EIF3J: variants seen among roughly 807,000 people sequenced by gnomAD.
EIF3J encodes eukaryotic translation initiation factor 3 subunit J.
Under a neutral mutation model 39.0 loss-of-function variants are expected in EIF3J, and 15 were observed. The observed-to-expected ratio is 0.38, with a 90% CI of 0.26 to 0.59. EIF3J has a LOEUF of 0.59. EIF3J is among the 20% of genes least tolerant of loss of function. The probability of loss-of-function intolerance (pLI) is 0.60; values close to 1 mark genes in which losing one functional copy is unlikely to be tolerated. For missense variants in EIF3J, 226 were observed against 308.6 expected, an observed-to-expected ratio of 0.73 and a Z score of 2.00; for synonymous variants, 98 against 112.9, an observed-to-expected ratio of 0.87 and a Z score of 0.84.
rs1432804070 is a variant in EIF3J at position 44,540,518 on chromosome 15, C to T, written c.147+3091C>T. Among the ~76,000 whole-genome samples the T allele has an allele frequency of 7.2e-5, 11 of 151,726 alleles. No individual in the cohort carries two copies. In the East Asian group the frequency reaches 2.1e-3, roughly 29 times the overall value. On this transcript the variant is annotated intron_variant, in intron 2 of 7. Coordinates refer to ENST00000261868, the MANE Select transcript of EIF3J (RefSeq NM_003758.4). ...AACTCCTGAGGTTAAAGCGATCTTCCCGCCTTGGCCTCCCAGAGTGCTGAG... is the reference window on the plus strand; with the variant it reads ...AACTCCTGAGGTTAAAGCGATCTTCTCGCCTTGGCCTCCCAGAGTGCTGAG...
intron 4 of EIF3J, among the ~76,000 whole-genome samples, chr15:44,552,604 G>A (rs1325649196): frequency 4.0e-5 from 6 of 149,276 alleles, no homozygotes; most frequent in Admixed American, 2.0e-4. Flanking sequence ...CACTCTAGTC[G>A]CCCAGGCGGG....
At chr15:44,539,174 G>A (rs1021892144) in intron 2 of EIF3J, among the ~76,000 whole-genome samples, 4 of 151,472 alleles carry the variant, frequency 2.6e-5, no homozygotes, top group African/African-American at 7.3e-5. Context: ...TTACAGGCAC[G>A]CACCACCACG....
At chr15:44,543,838 C>T (rs1157780846) in intron 2 of EIF3J, among the ~76,000 whole-genome samples, 1 of 151,864 alleles carries the variant, frequency 6.6e-6, no homozygotes, top group Admixed American at 6.6e-5. Context: ...AAACTAGGGA[C>T]AGGGATAGAG....
Position 44,554,564 on chromosome 15 carries a change from CGAAGAACCT to C in EIF3J, c.307_315del (p.Glu103_Pro105del). ...TTGTCTCATTTTAGTTAGAAGAACC[CGAAGAACCT>C]AAAGTGCTAACACCAGAAGAACAAT... On this transcript the variant is annotated inframe_deletion, in exon 5 of 8. Coordinates refer to ENST00000261868, the MANE Select transcript of EIF3J (RefSeq NM_003758.4). 6.2e-7 allele frequency: 1 copy of C among 1,607,156 alleles called. No homozygotes were observed. Among genetic ancestry groups the C allele is most frequent in the Non-Finnish European group, 8.5e-7 (1 of 1,177,480 alleles).
At chr15:44,560,348 G>A in intron 7 of EIF3J, 26 bp downstream of exon 7, 1 of 1,605,960 alleles carries the variant, frequency 6.2e-7, no homozygotes, top group Non-Finnish European at 8.5e-7. Context: ...GTAGGGAAAT[G>A]GGTATTAAAT....
rs967351563 is a variant in EIF3J, at chr15:44,537,455, C to G, written c.147+28C>G. ...GGGTGCGGGCTAGGGCGCCGGGCAG[C>G]GCGGAAGCGGGCTGGCGCTGTTGCC... is the stretch of plus-strand genomic sequence containing the variant. On this transcript the variant is annotated intron_variant, in intron 2 of 7. Transcript: ENST00000261868. 7 of 1,499,422 alleles carry G rather than the reference C, an allele frequency of 4.7e-6. No individual in the cohort carries two copies. The Admixed American group carries it at 6.8e-5, about 15-fold the overall frequency. The allele number at this position is 1,499,422 out of a possible 1,614,324, so 92.9% of individuals were successfully genotyped here.
At chr15:44,539,934 TA>T (rs941598396) in intron 2 of EIF3J, among the ~76,000 whole-genome samples, 5 of 146,774 alleles carry the variant, frequency 3.4e-5, no homozygotes, top group Admixed American at 3.4e-4. Context: ...CTAATTTACA[TA>T]TTTTTTTCTT....
intron 2 of EIF3J, among the ~76,000 whole-genome samples, chr15:44,544,207 G>A (rs2082034785): frequency 1.3e-5 from 2 of 150,694 alleles, no homozygotes; most frequent in East Asian, 2.0e-4. Flanking sequence ...TGATTCTTGG[G>A]CATCAGCCTC....
intron 3 of EIF3J, 151 bp from the exon 4 acceptor site, chr15:44,551,280 G>T: frequency 1.6e-6 from 1 of 615,416 alleles, no homozygotes; most frequent in East Asian, 2.8e-5. Flanking sequence ...AGAAGGAAGA[G>T]TCCCAGAAGT....
intron 5 of EIF3J, 104 bp from the exon 6 acceptor site, chr15:44,557,385 A>C: frequency 1.2e-6 from 1 of 834,550 alleles, no homozygotes; most frequent in East Asian, 3.2e-5. Context: ...CCCCTGCTTT[A>C]GAATGAAACG....
chr15:44,557,375 C>A, intron 5 of EIF3J, 114 bp from the exon 6 acceptor site: 1 of 723,964 alleles, frequency 1.4e-6, no homozygotes, highest in Non-Finnish European at 2.0e-6. Context: ...AGGTTCAGAG[C>A]CCCTGCTTTA....
intron 7 of EIF3J, 76 bp from the exon 8 acceptor site, chr15:44,560,942 T>G: frequency 6.4e-7 from 1 of 1,556,762 alleles, no homozygotes; most frequent in Non-Finnish European, 8.7e-7. Context: ...TGTGTGTTTG[T>G]TTATGAGGGT....
chr15:44,547,321 T>G (rs1263166465), intron 2 of EIF3J, among the ~76,000 whole-genome samples: 2 of 151,734 alleles, frequency 1.3e-5, no homozygotes, highest in Non-Finnish European at 2.9e-5. Flanking sequence ...TTTTGTATTT[T>G]TAGTAGAGAC....
At chr15:44,544,301 T>A (rs2082035849) in intron 2 of EIF3J, among the ~76,000 whole-genome samples, 2 of 151,644 alleles carry the variant, frequency 1.3e-5, no homozygotes, top group South Asian at 4.1e-4. Context: ...GTTTGCCATG[T>A]TGGCCAGGCT....
At chr15:44,549,175 C>T (rs2082077734) in intron 2 of EIF3J, among the ~76,000 whole-genome samples, 2 of 150,688 alleles carry the variant, frequency 1.3e-5, no homozygotes, top group African/African-American at 4.9e-5. Flanking sequence ...GGGCGGATCA[C>T]CTGAGGTTGG....
chr15:44,552,493 C>T (rs1232847662), intron 4 of EIF3J, among the ~76,000 whole-genome samples: 1 of 152,132 alleles, frequency 6.6e-6, no homozygotes, highest in Non-Finnish European at 1.5e-5. Flanking sequence ...GATCTGCCTG[C>T]TTCGACCTCC....
chr15:44,543,990 A>G (rs79395126), intron 2 of EIF3J, among the ~76,000 whole-genome samples: 15,146 of 151,804 alleles, frequency 0.1, 1,577 homozygotes, highest in African/African-American at 0.25. Flanking sequence ...TTTACCTTGG[A>G]GGTATTGAGA....
chr15:44,558,358 C>G (rs554353147), intron 6 of EIF3J, among the ~76,000 whole-genome samples: 3 of 152,110 alleles, frequency 2.0e-5, no homozygotes, highest in Admixed American at 6.5e-5. Context: ...AATCCCAGCA[C>G]TTTGGGAGGC....
chr15:44,538,839 G>A (rs542297951), intron 2 of EIF3J, among the ~76,000 whole-genome samples: 17 of 152,216 alleles, frequency 1.1e-4, no homozygotes, highest in Middle Eastern at 3.4e-3. Flanking sequence ...CATGCATATA[G>A]GAAGTGGCAG....
Sources: gnomAD v4.1 joint callset for allele counts (sites outside exome capture counted in the v4.1 genomes callset) on GRCh38, gnomAD v4.1.1 for gene constraint, MANE v1.5 for transcripts, NCBI Gene and HGNC (gene_info 2026-07-23, HGNC 2026-07-21) for gene names.